PRPF6: variants seen among roughly 807,000 people sequenced by gnomAD.
PRPF6 encodes pre-mRNA processing factor 6, also known as pre-mRNA-processing factor 6.
Under a neutral mutation model 118.3 loss-of-function variants are expected in PRPF6, and 42 were observed. The observed-to-expected ratio is 0.35, with a 90% CI of 0.28 to 0.46. PRPF6 has a LOEUF of 0.46. Ranked by LOEUF, PRPF6 falls within the 20% of genes least tolerant of loss-of-function variation. The probability of loss-of-function intolerance (pLI) is 1.00; values close to 1 mark genes in which losing one functional copy is unlikely to be tolerated. For missense variants in PRPF6, 662 were observed against 1,255.7 expected (o/e 0.53, Z 7.15); for synonymous variants, 481 against 485.1 (o/e 0.99, Z 0.11).
At chr20:63,999,984 C>G (rs1474975390) in intron 8 of PRPF6, among the ~76,000 whole-genome samples, 1 of 150,780 alleles carries the variant, frequency 6.6e-6, no homozygotes, top group Non-Finnish European at 1.5e-5. Context: ...CGGAGTCTCG[C>G]TCTGTCACCC....
chr20:64,030,574 T>C lies in PRPF6; in HGVS notation c.2546+1083T>C, dbSNP rs2059310197. On this transcript the variant is annotated intron_variant, in intron 19 of 20. Transcript: ENST00000266079. ...GAGGCTCCCCACAGGGAGGCTTGTG[T>C]CTGCCTGGTGCTACCTTGGTCCTGC... 2.6e-5 allele frequency among the ~76,000 whole-genome samples: 4 copies of C among 152,300 alleles called. No homozygotes were observed. The South Asian group carries it at 8.3e-4, about 32-fold the overall frequency.
chr20:63,981,643 T>TCCCCCCCCC (rs11295538), intron 1 of PRPF6, among the ~76,000 whole-genome samples: 116 of 124,330 alleles, frequency 9.3e-4, no homozygotes, highest in Middle Eastern at 3.9e-3. Flanking sequence ...GGGCTGACAC[T>TCCCCCCCCC]CCCCCCCCCC....
chr20:63,996,179 A>T (rs2059140254), intron 6 of PRPF6, among the ~76,000 whole-genome samples: 1 of 151,956 alleles, frequency 6.6e-6, no homozygotes, highest in Admixed American at 6.6e-5. Context: ...TCTCTACTAA[A>T]AATACAGAAA....
intron 19 of PRPF6, among the ~76,000 whole-genome samples, chr20:64,030,791 A>G (rs1166328110): frequency 1.3e-5 from 2 of 152,272 alleles, no homozygotes; most frequent in African/African-American, 4.8e-5. Context: ...TAAGAATACC[A>G]CAAGGCTTAA....
chr20:64,005,275 C>T (rs1237844308), intron 9 of PRPF6, among the ~76,000 whole-genome samples: 1 of 152,158 alleles, frequency 6.6e-6, no homozygotes, highest in African/African-American at 2.4e-5. Flanking sequence ...GACACAGAGT[C>T]CTGGGAGTCG....
intron 6 of PRPF6, among the ~76,000 whole-genome samples, chr20:63,996,791 G>A (rs1360579098): frequency 1.3e-5 from 2 of 152,088 alleles, no homozygotes; most frequent in Non-Finnish European, 2.9e-5. Flanking sequence ...GAAATAGCTG[G>A]GCCTGGTGGT....
chr20:63,985,260 G>A (rs1479397667), intron 3 of PRPF6, among the ~76,000 whole-genome samples: 1 of 151,996 alleles, frequency 6.6e-6, no homozygotes, highest in Admixed American at 6.6e-5. Context: ...TTGGGTGGCT[G>A]AGGTGGAAGG....
At chr20:63,988,856 G>C (rs1428058518) in intron 3 of PRPF6, among the ~76,000 whole-genome samples, 1 of 150,336 alleles carries the variant, frequency 6.7e-6, no homozygotes, top group Non-Finnish European at 1.5e-5. Flanking sequence ...GCAACAGAGT[G>C]AGACTCCGTC....
intron 3 of PRPF6, among the ~76,000 whole-genome samples, chr20:63,992,057 C>T (rs898252572): frequency 2.0e-5 from 3 of 152,040 alleles, no homozygotes; most frequent in Non-Finnish European, 4.4e-5. Flanking sequence ...TTGGTGGTAA[C>T]TAGGATAGTT....
chr20:64,020,126 T>C (rs370977661), intron 12 of PRPF6, among the ~76,000 whole-genome samples: 20 of 152,320 alleles, frequency 1.3e-4, no homozygotes, highest in African/African-American at 4.6e-4. Flanking sequence ...ACAAGAATCC[T>C]TTCAGCGGCC....
At chr20:63,982,972 A>T (rs2059077835) in intron 1 of PRPF6, 75 bp from the exon 2 acceptor site, 4 of 1,542,814 alleles carry the variant, frequency 2.6e-6, no homozygotes, top group Non-Finnish European at 3.5e-6. Context: ...GGTGTTAGTA[A>T]GTGATAACCA....
At chr20:64,006,346 TTG>T (rs2059189771) in intron 9 of PRPF6, among the ~76,000 whole-genome samples, 3 of 144,970 alleles carry the variant, frequency 2.1e-5, no homozygotes, top group Non-Finnish European at 4.5e-5. Flanking sequence ...AGACTGAGTC[TTG>T]CTCTGTTGCC....
rs7268110 is a variant in PRPF6, at chr20:64,002,518, T to C, written c.1186+1279T>C. On this transcript the variant is annotated intron_variant, in intron 9 of 20. Coordinates refer to ENST00000266079, the MANE Select transcript of PRPF6 (RefSeq NM_012469.4). The stretch of plus-strand genomic sequence containing the variant: ...GCCTGGCCAATTTTTGTATTTTTAG[T>C]AGAGATGGGGTTTCCCCATGTTGGC... Among the ~76,000 whole-genome samples, 372 of 151,502 alleles carry C rather than the reference T, an allele frequency of 2.5e-3. 2 individuals carry two copies. The highest frequency in any genetic ancestry group is 8.6e-3 in the African/African-American group (356 of 41,186).
chr20:63,991,021 C>T (rs1396714955), intron 3 of PRPF6, among the ~76,000 whole-genome samples: 1 of 152,002 alleles, frequency 6.6e-6, no homozygotes, highest in Non-Finnish European at 1.5e-5. Context: ...AGTGATCCAC[C>T]TGCCTCCCCT....
chr20:64,015,357 A>C (rs1281002044), intron 11 of PRPF6, among the ~76,000 whole-genome samples: 1 of 152,134 alleles, frequency 6.6e-6, no homozygotes, highest in African/African-American at 2.4e-5. Flanking sequence ...TCTTCTCACC[A>C]CTGACCTTTG....
At chr20:64,017,513 A>G (rs372944862) in intron 12 of PRPF6, among the ~76,000 whole-genome samples, 10 of 138,764 alleles carry the variant, frequency 7.2e-5, no homozygotes, top group Admixed American at 3.6e-4. Flanking sequence ...GGCCTCCCAG[A>G]GTGCTGGGAT....
In PRPF6 at chr20:63,995,001, G is replaced by A. The variant is rs1243113313; in HGVS notation, c.524G>A (p.Arg175His). 1.3e-5 allele frequency: 21 copies of A among 1,614,066 alleles called. No homozygotes were observed. Among genetic ancestry groups the A allele is most frequent in the South Asian group, 4.4e-5 (4 of 91,086 alleles). The change falls in exon 5 of 21, where the codon CGC becomes CAC. Residue 175 changes from arginine to histidine, a missense_variant. Arg to His is a conservative substitution (Grantham distance 29, BLOSUM62 0). Transcript: ENST00000266079. ...AGAAATAAACGTCAGCGGAACCCAC[G>A]CTATGAGAAGCTGACCCCTGTTCCT... Reference protein sequence around the residue: ...DARNKRQRNPRYEKLTPVPDS... With the variant: ...DARNKRQRNPHYEKLTPVPDS...
At position 64,024,538 on chromosome 20, in the gene PRPF6, G is replaced by A. The variant is rs768879684; in HGVS notation, c.1770-17G>A. On this transcript the variant is annotated splice_polypyrimidine_tract_variant and intron_variant, in intron 13 of 20. Transcript: ENST00000266079. ...TTATGGCCCTGCCTCTGGTGACCGT[G>A]GCCTCTTATCTTGCAGGGAGTCCCT... is the stretch of plus-strand genomic sequence containing the variant. 5 of 1,613,056 alleles carry A rather than the reference G, an allele frequency of 3.1e-6. No homozygotes were observed. The East Asian group carries it at 1.1e-4, about 36-fold the overall frequency.
chr20:63,981,148 T>C lies in PRPF6; in HGVS notation c.-98T>C, dbSNP rs2059063973. On this transcript the variant is annotated 5_prime_UTR_variant, in exon 1 of 21. Transcript: ENST00000266079. ...TGACGCGACGACGGCGACACTTTGC[T>C]ACGGAGTGCATCGGACGTCGAAGCC... 1 of 1,308,774 alleles carries C rather than the reference T, an allele frequency of 7.6e-7. No individual in the cohort carries two copies. The highest frequency in any genetic ancestry group is 1.5e-5 in the African/African-American group (1 of 68,188). 81.1% of individuals were successfully genotyped at this position (1,308,774 alleles called of 1,614,324 possible). A position where few individuals can be genotyped will look rare whatever the true frequency, so the allele number is the denominator to read the frequency against.
Sources: gnomAD v4.1 joint callset for allele counts (sites outside exome capture counted in the v4.1 genomes callset) on GRCh38, gnomAD v4.1.1 for gene constraint, MANE v1.5 for transcripts, NCBI Gene and HGNC (gene_info 2026-07-23, HGNC 2026-07-21) for gene names.